The following CPEB2 variants were observed in gnomAD, a reference collection of about 807,000 sequenced individuals.
CPEB2 encodes cytoplasmic polyadenylation element-binding protein 2.
In CPEB2, 56 loss-of-function variants were observed where a neutral mutation model predicts 93.6. That is an observed-to-expected ratio of 0.60 (90% CI 0.48 to 0.75). The LOEUF is 0.75. Among genes scored for constraint, CPEB2 ranks in the 30% least tolerant of loss-of-function variants. The pLI, the probability that CPEB2 is intolerant of heterozygous loss-of-function variation, is 0.00. For missense variants in CPEB2, 1,579 were observed against 1,395.1 expected (o/e 1.13, Z -2.10); for synonymous variants, 764 against 586.3 (o/e 1.30, Z -4.38).
At chr4:15,031,511 G>A (rs1726088819) in intron 4 of CPEB2, among the ~76,000 whole-genome samples, 2 of 152,084 alleles carry the variant, frequency 1.3e-5, no homozygotes, top group Admixed American at 6.6e-5. Context: ...CTCATACCAA[G>A]GTATCACAAC....
At position 15,003,032 on chromosome 4, in the gene CPEB2, ACC is replaced by A; in HGVS notation, c.360_361del (p.Asp120GlufsTer48). On this transcript the variant is annotated frameshift_variant, in exon 1 of 12. Coordinates refer to ENST00000538197, the MANE Select transcript of CPEB2 (RefSeq NM_001177382.2). LOFTEE classifies it high-confidence loss of function. Reference sequence around the variant, plus strand: ...GCGGCGGCCACGGAGAAACTCCCCGACCACCACCCCGGCGGCGGCACGATCGC... The same window carrying A: ...GCGGCGGCCACGGAGAAACTCCCCGAACCACCCCGGCGGCGGCACGATCGC... The A allele has an allele frequency of 6.7e-7, 1 of 1,494,578 alleles. No individual in the cohort carries two copies. Among genetic ancestry groups the A allele is most frequent in the Non-Finnish European group, 8.8e-7 (1 of 1,133,806 alleles). 92.6% of individuals were successfully genotyped at this position (1,494,578 alleles called of 1,614,324 possible).
intron 3 of CPEB2, among the ~76,000 whole-genome samples, chr4:15,013,083 T>G (rs1184066368): frequency 6.6e-6 from 1 of 152,030 alleles, no homozygotes; most frequent in Admixed American, 6.5e-5. Context: ...TTTTCAAGAT[T>G]TGGATTACTT....
At chr4:15,051,509 A>G (rs1213167832) in intron 6 of CPEB2, among the ~76,000 whole-genome samples, 1 of 152,132 alleles carries the variant, frequency 6.6e-6, no homozygotes, top group Non-Finnish European at 1.5e-5. Flanking sequence ...CCACCTATAG[A>G]TATTCTCCTC....
At chr4:15,005,006 C>G (rs1005613392) in intron 1 of CPEB2, 5 of 152,170 alleles carry the variant, frequency 3.3e-5, no homozygotes, top group African/African-American at 7.2e-5. Flanking sequence ...CTCGGGCGGT[C>G]AGTCGAGCCG....
chr4:15,043,022 C>T (rs1727331640), intron 6 of CPEB2, among the ~76,000 whole-genome samples: 1 of 152,170 alleles, frequency 6.6e-6, no homozygotes, highest in South Asian at 2.1e-4. Context: ...AGTCATGGCT[C>T]TTCTACCAGT....
Position 15,066,308 on chromosome 4 carries a change from A to T in CPEB2, c.3033A>T (p.Gly1011=). 6.2e-7 allele frequency: 1 copy of T among 1,613,454 alleles called. No homozygotes were observed. Reference sequence around the variant, plus strand: ...GGGCAAATATCCACTCTCGTGCTGGACGTGAGTTCCATAAGCCATTGGTAA... The same window carrying T: ...GGGCAAATATCCACTCTCGTGCTGGTCGTGAGTTCCATAAGCCATTGGTAA... ...FCWANIHSRA[G]REFHKPLVKE... The change falls in exon 12 of 12, where the codon GGA becomes GGT. Residue 1011 remains glycine, a synonymous_variant. Coordinates refer to ENST00000538197, the MANE Select transcript of CPEB2 (RefSeq NM_001177382.2).
chr4:15,003,879 G>A lies in CPEB2; in HGVS notation c.1206G>A (p.Pro402=). The change falls in exon 1 of 12, where the codon CCG becomes CCA. Residue 402 remains proline, a synonymous_variant. Transcript: ENST00000538197. Reference sequence around the variant, plus strand: ...CCCAGCAGCCGCCGCCGACCCAGCCGCAGCAGCAGCCGCCGCCACCCCAGC... The same window carrying A: ...CCCAGCAGCCGCCGCCGACCCAGCCACAGCAGCAGCCGCCGCCACCCCAGC... ...PQPQQPPPTQ[P]QQQPPPPQQP... is the part of the protein sequence containing the mutation. The A allele has an allele frequency of 1.2e-6, 1 of 860,192 alleles. No homozygotes were observed. Among genetic ancestry groups the A allele is most frequent in the South Asian group, 3.8e-5 (1 of 26,454 alleles). The allele number at this position is 860,192 out of a possible 1,614,324, so 53.3% of individuals were successfully genotyped here.
intron 9 of CPEB2, 22 bp from the exon 10 acceptor site, chr4:15,059,164 AC>A: frequency 7.1e-7 from 1 of 1,400,452 alleles, no homozygotes; most frequent in Non-Finnish European, 1.0e-6. Flanking sequence ...AGGGAGTAAG[AC>A]CCAATGTAAT....
intron 3 of CPEB2, among the ~76,000 whole-genome samples, chr4:15,013,193 A>T (rs1049660744): frequency 6.6e-6 from 1 of 151,984 alleles, no homozygotes; most frequent in African/African-American, 2.4e-5. Context: ...TGAAATAAAT[A>T]TTATAATAAA....
intron 4 of CPEB2, among the ~76,000 whole-genome samples, chr4:15,031,278 T>G (rs1310357741): frequency 6.6e-6 from 1 of 152,090 alleles, no homozygotes; most frequent in Non-Finnish European, 1.5e-5. Flanking sequence ...GAGTTTGTTT[T>G]TTTTTTTTAA....
chr4:15,062,291 C>T, intron 11 of CPEB2, 31 bp downstream of exon 11: 1 of 1,556,768 alleles, frequency 6.4e-7, no homozygotes, highest in Admixed American at 1.7e-5. Flanking sequence ...TCACTTATGT[C>T]CTATAATAAG....
At chr4:15,030,276 C>G (rs1725955891) in intron 4 of CPEB2, among the ~76,000 whole-genome samples, 1 of 151,832 alleles carries the variant, frequency 6.6e-6, no homozygotes, top group Non-Finnish European at 1.5e-5. Flanking sequence ...TTTATGTTGT[C>G]AATATAAAGT....
intron 6 of CPEB2, among the ~76,000 whole-genome samples, chr4:15,050,034 C>T (rs1490615611): frequency 5.3e-5 from 8 of 151,994 alleles, no homozygotes; most frequent in Admixed American, 5.2e-4. Context: ...AAACAAATAC[C>T]CAACATAAAA....
At chr4:15,053,280 T>A (rs1249497040) in intron 7 of CPEB2, among the ~76,000 whole-genome samples, 11 of 152,138 alleles carry the variant, frequency 7.2e-5, no homozygotes, top group Admixed American at 7.2e-4. Flanking sequence ...CCTCCCAAAG[T>A]GCTGGGATTA....
intron 4 of CPEB2, among the ~76,000 whole-genome samples, chr4:15,032,919 C>G (rs1370330774): frequency 6.6e-6 from 1 of 152,106 alleles, no homozygotes; most frequent in Non-Finnish European, 1.5e-5. Context: ...GCATTGCTCC[C>G]AAATCACATT....
At chr4:15,007,697 T>A in intron 2 of CPEB2, 111 bp downstream of exon 2, 1 of 623,490 alleles carries the variant, frequency 1.6e-6, no homozygotes, top group Non-Finnish European at 2.4e-6. Context: ...AATAAAGTTT[T>A]AATTTTTAAG....
chr4:15,016,157 G>T (rs1276451908), intron 3 of CPEB2, among the ~76,000 whole-genome samples: 6 of 151,800 alleles, frequency 4.0e-5, no homozygotes, highest in African/African-American at 2.4e-5. Context: ...TCCATTTTCT[G>T]TGACAGTCAT....
chr4:15,031,949 C>A (rs1198354086), intron 4 of CPEB2, among the ~76,000 whole-genome samples: 1 of 152,044 alleles, frequency 6.6e-6, no homozygotes, highest in Non-Finnish European at 1.5e-5. Context: ...AGAGGACTTG[C>A]TGAGGTGGTA....
In CPEB2 at chr4:15,058,420, G is replaced by A; in HGVS notation, c.2462-1G>A. The A allele has an allele frequency of 6.4e-7, 1 of 1,568,046 alleles. No individual in the cohort carries two copies. The highest frequency in any genetic ancestry group is 8.8e-7 in the Non-Finnish European group (1 of 1,139,814). On this transcript the variant is annotated splice_acceptor_variant, in intron 8 of 11. Transcript: ENST00000538197. LOFTEE classifies it high-confidence loss of function. ...TGCCTCATCTTTAATGGTTATTCCA[G>A]GCTATGCATTTCTTCTCTTTCAAGA... is the stretch of plus-strand genomic sequence containing the variant.
Sources: gnomAD v4.1 joint callset for allele counts (sites outside exome capture counted in the v4.1 genomes callset) on GRCh38, gnomAD v4.1.1 for gene constraint, MANE v1.5 for transcripts, NCBI Gene and HGNC (gene_info 2026-07-23, HGNC 2026-07-21) for gene names.